LRRTM4: variants seen among roughly 807,000 people sequenced by gnomAD.
The protein encoded by LRRTM4 is leucine rich repeat transmembrane neuronal 4, also known as leucine-rich repeat transmembrane neuronal protein 4.
A neutral mutation model predicts 47.6 loss-of-function variants in LRRTM4; 25 were observed. That is an observed-to-expected ratio of 0.53 (90% CI 0.38 to 0.73). The LOEUF (loss-of-function observed/expected upper bound fraction) is 0.73, where lower values mean the gene tolerates loss of function less well. LRRTM4 is among the 30% of genes least tolerant of loss of function. The pLI is 0.00. For missense variants in LRRTM4, 638 were observed against 713.4 expected (o/e 0.89, Z 1.20); for synonymous variants, 311 against 269.5 (o/e 1.15, Z -1.51).
intron 3 of LRRTM4, among the ~76,000 whole-genome samples, chr2:77,421,848 G>A (rs563070628): frequency 6.6e-6 from 1 of 152,278 alleles, no homozygotes; most frequent in South Asian, 2.1e-4. Flanking sequence ...ATACAATCAT[G>A]CAATGAATAA....
rs1010429317 is a variant in LRRTM4 at position 77,116,798 on chromosome 2, T to A, written c.1552-367882A>T. Among the ~76,000 whole-genome samples the A allele has an allele frequency of 9.9e-5, 15 of 152,092 alleles. No individual in the cohort carries two copies. The East Asian group carries it at 2.9e-3, about 29-fold the overall frequency. On this transcript the variant is annotated intron_variant, in intron 3 of 3. Transcript: ENST00000409884. Reference sequence around the variant, plus strand: ...CCTCCCTTTCTGTTTTCAAAAGCAATCAATATTTTTACATATATAATTTGT... The same window carrying A: ...CCTCCCTTTCTGTTTTCAAAAGCAAACAATATTTTTACATATATAATTTGT...
chr2:77,093,995 C>T (rs1367309893), intron 3 of LRRTM4, among the ~76,000 whole-genome samples: 2 of 138,032 alleles, frequency 1.4e-5, no homozygotes, highest in Non-Finnish European at 3.0e-5. Context: ...TAAAACTGCC[C>T]CACCCCTATC....
chr2:76,899,745 A>G (rs888075529), intron 3 of LRRTM4, among the ~76,000 whole-genome samples: 8 of 152,316 alleles, frequency 5.3e-5, no homozygotes, highest in African/African-American at 1.4e-4. Flanking sequence ...AAATACAAAG[A>G]TAAATTAAAA....
At chr2:76,965,953 G>T (rs1676009928) in intron 3 of LRRTM4, among the ~76,000 whole-genome samples, 1 of 151,354 alleles carries the variant, frequency 6.6e-6, no homozygotes, top group Admixed American at 6.6e-5. Context: ...ATTGGAGCCA[G>T]GTACTCACTG....
chr2:77,050,610 T>C (rs969481214), intron 3 of LRRTM4, among the ~76,000 whole-genome samples: 1 of 152,144 alleles, frequency 6.6e-6, no homozygotes, highest in African/African-American at 2.4e-5. Flanking sequence ...CAGAAGTTAT[T>C]GCCAGTAACT....
At chr2:77,170,251 G>A (rs1248055052) in intron 3 of LRRTM4, among the ~76,000 whole-genome samples, 7 of 152,150 alleles carry the variant, frequency 4.6e-5, no homozygotes, top group Non-Finnish European at 2.9e-5. Flanking sequence ...ATGTATGTGA[G>A]AAAAACTCAA....
intron 3 of LRRTM4, among the ~76,000 whole-genome samples, chr2:76,832,073 G>A (rs1914508): frequency 0.63 from 95,934 of 151,954 alleles, 32,026 homozygotes; most frequent in African/African-American, 0.83. Context: ...TCCATGTAAA[G>A]TAATTTAATG....
intron 3 of LRRTM4, among the ~76,000 whole-genome samples, chr2:76,953,368 A>C (rs1675560394): frequency 6.6e-6 from 1 of 151,896 alleles, no homozygotes; most frequent in African/African-American, 2.4e-5. Flanking sequence ...ATGCAACCTC[A>C]AAGCCAAGAA....
chr2:76,807,778 G>A (rs1404822225), intron 3 of LRRTM4, among the ~76,000 whole-genome samples: 1 of 151,422 alleles, frequency 6.6e-6, no homozygotes, highest in East Asian at 2.0e-4. Context: ...TTTTAGTAGA[G>A]ACAGGATTTC....
intron 3 of LRRTM4, among the ~76,000 whole-genome samples, chr2:77,191,634 A>G (rs1210224676): frequency 6.6e-6 from 1 of 152,070 alleles, no homozygotes; most frequent in East Asian, 1.9e-4. Flanking sequence ...TAAATTAAAG[A>G]ATATGTAAAA....
At chr2:77,108,148 G>A (rs888579382) in intron 3 of LRRTM4, among the ~76,000 whole-genome samples, 5 of 152,012 alleles carry the variant, frequency 3.3e-5, no homozygotes, top group Non-Finnish European at 7.4e-5. Context: ...AAAAGAAAAT[G>A]AATAGGAATT....
chr2:77,052,858 C>G (rs1391571332), intron 3 of LRRTM4, among the ~76,000 whole-genome samples: 2 of 151,888 alleles, frequency 1.3e-5, no homozygotes, highest in African/African-American at 2.4e-5. Context: ...AAGACTCAGC[C>G]TAATTGATTT....
chr2:77,367,186 T>C (rs1192008181), intron 3 of LRRTM4, among the ~76,000 whole-genome samples: 3 of 151,700 alleles, frequency 2.0e-5, no homozygotes, highest in Non-Finnish European at 4.4e-5. Context: ...TTTGCAGTTA[T>C]TAGCTAAGAA....
Position 77,513,170 on chromosome 2 carries a change from C to T in LRRTM4, c.1551+5148G>A, listed in dbSNP as rs909444711. Among the ~76,000 whole-genome samples the T allele has an allele frequency of 3.7e-4, 57 of 152,126 alleles. 1 individual carries two copies. The highest frequency in any genetic ancestry group is 9.7e-5 in the African/African-American group (4 of 41,428). On this transcript the variant is annotated intron_variant, in intron 3 of 3. Transcript: ENST00000409884. Reference sequence around the variant, plus strand: ...ACTCATGTGCTCACACATGTGTATGCGTGAGTTACATATTTTCCCCTCAAG... The same window carrying T: ...ACTCATGTGCTCACACATGTGTATGTGTGAGTTACATATTTTCCCCTCAAG...
chr2:77,204,166 C>G (rs528134662), intron 3 of LRRTM4, among the ~76,000 whole-genome samples: 7 of 152,222 alleles, frequency 4.6e-5, no homozygotes, highest in African/African-American at 1.7e-4. Context: ...GCAAACATCA[C>G]AGGGAGCAGC....
chr2:76,815,353 C>T (rs543286014), intron 3 of LRRTM4, among the ~76,000 whole-genome samples: 2 of 152,046 alleles, frequency 1.3e-5, no homozygotes, highest in South Asian at 2.1e-4. Context: ...GGCTCCAAGC[C>T]TGCCAGAAGC....
chr2:77,253,071 G>A (rs574789088), intron 3 of LRRTM4, among the ~76,000 whole-genome samples: 5 of 152,130 alleles, frequency 3.3e-5, no homozygotes, highest in East Asian at 1.9e-4. Context: ...AAGTGTCCAC[G>A]CTAATACCAG....
At chr2:76,790,018 A>G (rs939145748) in intron 3 of LRRTM4, among the ~76,000 whole-genome samples, 4 of 152,068 alleles carry the variant, frequency 2.6e-5, no homozygotes, top group African/African-American at 4.8e-5. Context: ...CTACTGTGGG[A>G]ATTGGATAAA....
At chr2:76,999,121 A>G (rs1372454051) in intron 3 of LRRTM4, among the ~76,000 whole-genome samples, 1 of 151,792 alleles carries the variant, frequency 6.6e-6, no homozygotes, top group Non-Finnish European at 1.5e-5. Context: ...GTGTGTGTGC[A>G]TCATGGATCT....
Sources: gnomAD v4.1 joint callset for allele counts (sites outside exome capture counted in the v4.1 genomes callset) on GRCh38, gnomAD v4.1.1 for gene constraint, MANE v1.5 for transcripts, NCBI Gene and HGNC (gene_info 2026-07-23, HGNC 2026-07-21) for gene names.